The following NRIP1 variants were observed in gnomAD, a reference collection of about 807,000 sequenced individuals.
NRIP1 encodes the protein nuclear receptor interacting protein 1, also known as nuclear receptor-interacting protein 1.
NRIP1 carries 28 observed loss-of-function variants against 75.0 expected under a neutral mutation model. The ratio of observed to expected loss-of-function variants is 0.37; its 90% CI spans 0.28 to 0.51. NRIP1 has a LOEUF of 0.51. Among genes scored for constraint, NRIP1 ranks in the 20% least tolerant of loss-of-function variants. The pLI is 0.92. For missense variants in NRIP1, 1,435 were observed against 1,343.7 expected (o/e 1.07, Z -1.06); for synonymous variants, 526 against 487.6 (o/e 1.08, Z -1.04).
chr21:14,992,429 G>A (rs1044108667), intron 3 of NRIP1: 1 of 152,088 alleles, frequency 6.6e-6, no homozygotes, highest in Non-Finnish European at 1.5e-5. Flanking sequence ...AGTGAGTTTT[G>A]TAGTTTATAA....
Position 14,966,297 on chromosome 21 carries a change from T to C in NRIP1, c.1896A>G (p.Gln632=). 1.9e-6 allele frequency: 3 copies of C among 1,614,142 alleles called. No homozygotes were observed. Among genetic ancestry groups the C allele is most frequent in the Non-Finnish European group, 2.5e-6 (3 of 1,179,986 alleles). ...ACTGCATTCCACATTGTGCTAAATT[T>C]TGTAACAGCTTACTGGCACTAAACG... ...SATFSASKLL[Q]NLAQCGMQSS... is the part of the protein sequence containing the mutation. The change falls in exon 4 of 4, where the codon CAA becomes CAG. Residue 632 remains glutamine, a synonymous_variant. Coordinates refer to ENST00000318948, the MANE Select transcript of NRIP1 (RefSeq NM_003489.4).
intron 2 of NRIP1, among the ~76,000 whole-genome samples, chr21:15,031,098 A>T (rs80275928): frequency 0.01 from 235 of 23,282 alleles, 4 homozygotes; most frequent in African/African-American, 0.027. Flanking sequence ...CGCTCGGAGG[A>T]TCACCACATT....
intron 1 of NRIP1, among the ~76,000 whole-genome samples, chr21:15,045,828 G>T (rs1475497768): frequency 6.6e-6 from 1 of 152,168 alleles, no homozygotes; most frequent in East Asian, 1.9e-4. Context: ...AATGTTCACA[G>T]TATCTTCAAT....
At chr21:15,002,845 C>G (rs113433556) in intron 3 of NRIP1, among the ~76,000 whole-genome samples, 31 of 152,202 alleles carry the variant, frequency 2.0e-4, no homozygotes, top group African/African-American at 7.0e-4. Context: ...TAGCTCAAGT[C>G]TACTTTACCA....
chr21:15,030,681 GCTCA>G (rs1476347154), intron 2 of NRIP1, among the ~76,000 whole-genome samples: 1 of 152,218 alleles, frequency 6.6e-6, no homozygotes, highest in Non-Finnish European at 1.5e-5. Context: ...CAGAATAAGT[GCTCA>G]CTCAGAGGGA....
chr21:15,054,700 C>A (rs755886195), intron 1 of NRIP1, among the ~76,000 whole-genome samples: 7 of 152,100 alleles, frequency 4.6e-5, no homozygotes, highest in Non-Finnish European at 8.8e-5. Context: ...ACTGCTGTGC[C>A]AAATTTTGCC....
chr21:15,012,447 CTTTTTTT>C (rs869160226), intron 3 of NRIP1, among the ~76,000 whole-genome samples: 142 of 79,374 alleles, frequency 1.8e-3, no homozygotes, highest in East Asian at 0.013. Flanking sequence ...ATTATAATGT[CTTTTTTT>C]TTTTTTTTTT....
In NRIP1 at chr21:14,964,102, T is replaced by C. The variant is rs899186123; in HGVS notation, c.*614A>G. 4.6e-5 allele frequency: 7 copies of C among 152,446 alleles called. No individual in the cohort carries two copies. Among genetic ancestry groups the C allele is most frequent in the African/African-American group, 1.7e-4 (7 of 41,404 alleles). The allele number at this position is 152,446 out of a possible 1,614,324, so 9.4% of individuals were successfully genotyped here. A position where few individuals can be genotyped will look rare whatever the true frequency, so the allele number is the denominator to read the frequency against. On this transcript the variant is annotated 3_prime_UTR_variant, in exon 4 of 4. Coordinates refer to ENST00000318948, the MANE Select transcript of NRIP1 (RefSeq NM_003489.4). Reference sequence around the variant, plus strand: ...AGCACAAGGTTTAAAGAAATATATATTGAAAAGGATCAGGGTGGGACAGAC... The same window carrying C: ...AGCACAAGGTTTAAAGAAATATATACTGAAAAGGATCAGGGTGGGACAGAC...
intron 1 of NRIP1, among the ~76,000 whole-genome samples, chr21:15,052,791 G>GCTAT (rs1160686238): frequency 6.6e-6 from 1 of 151,932 alleles, no homozygotes; most frequent in Non-Finnish European, 1.5e-5. Context: ...AAAGTAACAT[G>GCTAT]CTATCATTAA....
intron 3 of NRIP1, among the ~76,000 whole-genome samples, chr21:15,014,128 T>A (rs2088171879): frequency 6.6e-6 from 1 of 152,252 alleles, no homozygotes; most frequent in African/African-American, 2.4e-5. Context: ...TTACATTATT[T>A]ATCTACATTT....
chr21:14,967,078 T>C lies in NRIP1; in HGVS notation c.1115A>G (p.Lys372Arg), dbSNP rs545014839. 8 of 1,614,070 alleles carry C rather than the reference T, an allele frequency of 5.0e-6. No homozygotes were observed. The East Asian group carries it at 1.8e-4, about 36-fold the overall frequency. The change falls in exon 4 of 4, where the codon AAA (lysine) becomes AGA (arginine). Residue 372 changes from lysine (K) to arginine (R), a missense_variant. Transcript: ENST00000318948. ...AAGCAAACTATTGTTAGCAGCTTGT[T>C]TTATATTGTTTCTTTCCAGTGAGTT... Reference protein sequence around the residue: ...YKNSLERNNIKQAANNSLLLH... With the variant: ...YKNSLERNNIRQAANNSLLLH...
chr21:14,990,802 G>C (rs1006340385), intron 3 of NRIP1, among the ~76,000 whole-genome samples: 2 of 152,130 alleles, frequency 1.3e-5, no homozygotes, highest in Non-Finnish European at 2.9e-5. Context: ...CCCTGATACA[G>C]CTAACTTCTA....
intron 3 of NRIP1, among the ~76,000 whole-genome samples, chr21:14,996,606 T>C (rs2087732810): frequency 6.6e-6 from 1 of 152,160 alleles, no homozygotes; most frequent in Non-Finnish European, 1.5e-5. Flanking sequence ...TGTGCTTGCT[T>C]TCCTTGCTTT....
At chr21:14,990,276 T>C (rs1321214988) in intron 3 of NRIP1, among the ~76,000 whole-genome samples, 1 of 152,210 alleles carries the variant, frequency 6.6e-6, no homozygotes, top group Admixed American at 6.5e-5. Flanking sequence ...AGTTTGAATG[T>C]ATTTCTACCT....
At chr21:15,008,222 C>A (rs1458191971) in intron 3 of NRIP1, among the ~76,000 whole-genome samples, 1 of 152,094 alleles carries the variant, frequency 6.6e-6, no homozygotes, top group East Asian at 1.9e-4. Context: ...ACTGTACTCT[C>A]AGAAAAGGAC....
chr21:14,983,899 A>C (rs554910539), intron 3 of NRIP1, among the ~76,000 whole-genome samples: 50 of 152,354 alleles, frequency 3.3e-4, no homozygotes, highest in Non-Finnish European at 6.8e-4. Context: ...ACAAAAACAA[A>C]AATTCCTTTC....
chr21:15,007,991 T>G (rs2088012586), intron 3 of NRIP1, among the ~76,000 whole-genome samples: 1 of 152,158 alleles, frequency 6.6e-6, no homozygotes. Context: ...GCAGCCATCT[T>G]GGTATTCCGA....
upstream of NRIP1, among the ~76,000 whole-genome samples, chr21:15,065,167 G>C (rs1978777729): frequency 2.0e-5 from 3 of 152,052 alleles, no homozygotes; most frequent in Non-Finnish European, 4.4e-5. Flanking sequence ...TTGTCACCCG[G>C]TCAGGAGGAA....
chr21:14,996,738 A>G (rs1443847613), intron 3 of NRIP1, among the ~76,000 whole-genome samples: 1 of 152,200 alleles, frequency 6.6e-6, no homozygotes, highest in Non-Finnish European at 1.5e-5. Flanking sequence ...TTTGCTAAAT[A>G]TAATAAATGC....
Sources: gnomAD v4.1 joint callset for allele counts (sites outside exome capture counted in the v4.1 genomes callset) on GRCh38, gnomAD v4.1.1 for gene constraint, MANE v1.5 for transcripts, NCBI Gene and HGNC (gene_info 2026-07-23, HGNC 2026-07-21) for gene names.